The following DPP9 variants were observed in gnomAD, a reference collection of about 807,000 sequenced individuals.
The protein encoded by DPP9 is dipeptidyl peptidase 9, also known as dipeptidyl peptidase IV-related protein-2.
In DPP9, 50 loss-of-function variants were observed where a neutral mutation model predicts 110.7. The ratio of observed to expected loss-of-function variants is 0.45; its 90% CI spans 0.36 to 0.57. The LOEUF (loss-of-function observed/expected upper bound fraction) is 0.57. Ranked by LOEUF, DPP9 falls within the 20% of genes least tolerant of loss-of-function variation. DPP9 has a pLI of 0.00. For synonymous variants in DPP9, 561 were observed against 514.4 expected (o/e 1.09, Z -1.23); for missense variants, 1,022 against 1,217.9 (o/e 0.84, Z 2.39).
intron 10 of DPP9, among the ~76,000 whole-genome samples, chr19:4,699,237 A>G (rs1328189977): frequency 6.6e-6 from 1 of 150,774 alleles, no homozygotes; most frequent in Non-Finnish European, 1.5e-5. Flanking sequence ...TTTTTGCAAG[A>G]GCACACAAGG....
At chr19:4,712,408 G>A (rs1235986692) in intron 4 of DPP9, among the ~76,000 whole-genome samples, 1 of 152,064 alleles carries the variant, frequency 6.6e-6, no homozygotes, top group Non-Finnish European at 1.5e-5. Flanking sequence ...AAATTGTCTG[G>A]GCATGGTGGC....
rs1005920034 is a variant in DPP9 at position 4,682,086 on chromosome 19, G to A, written c.2474+610C>T. Among the ~76,000 whole-genome samples the A allele has an allele frequency of 5.9e-5, 9 of 151,850 alleles. No homozygotes were observed. The highest frequency in any genetic ancestry group is 1.2e-4 in the African/African-American group (5 of 41,304). ...GATGGTCTCAATCTCCTGACCTCACGATCCGCCCGCCTCAGCCTCCCAGAG... is the reference window on the plus strand; with the variant it reads ...GATGGTCTCAATCTCCTGACCTCACAATCCGCCCGCCTCAGCCTCCCAGAG... On this transcript the variant is annotated intron_variant, in intron 20 of 21. Coordinates refer to ENST00000262960, the MANE Select transcript of DPP9 (RefSeq NM_139159.5). This position sits in a 1 kb window ranked among gnomAD's most constrained non-coding sequence, Gnocchi z 7.1.
rs757921029 is a variant in DPP9 at position 4,714,279 on chromosome 19, C to A, written c.115G>T (p.Asp39Tyr). 1 of 1,554,602 alleles carries A rather than the reference C, an allele frequency of 6.4e-7. No individual in the cohort carries two copies. The highest frequency in any genetic ancestry group is 1.2e-5 in the South Asian group (1 of 85,718). ...RMATTGTPTADRGDAAATDDP... is the reference protein window; with the variant it reads ...RMATTGTPTAYRGDAAATDDP... ...TCTGTGGCGGCTGCGTCGCCTCGGTCGGCCGTTGGGGTCCCGGTGGTGGCC... is the reference window on the plus strand; with the variant it reads ...TCTGTGGCGGCTGCGTCGCCTCGGTAGGCCGTTGGGGTCCCGGTGGTGGCC... Residue 39 changes from aspartate (D) to tyrosine (Y), a missense_variant, in exon 4 of 22, where the codon GAC (aspartate) becomes TAC (tyrosine). Transcript: ENST00000262960.
intron 3 of DPP9, chr19:4,719,569 G>T: frequency 2.0e-6 from 1 of 501,592 alleles, no homozygotes; most frequent in Admixed American, 3.2e-5. Flanking sequence ...GGAGCTCCTG[G>T]CATGAAGTGG....
In DPP9 at chr19:4,695,965, A is replaced by T. The variant is rs2091769045; in HGVS notation, c.1176-410T>A. Among the ~76,000 whole-genome samples, 1 of 152,086 alleles carries T rather than the reference A, an allele frequency of 6.6e-6. No homozygotes were observed. The highest frequency in any genetic ancestry group is 1.5e-5 in the Non-Finnish European group (1 of 68,036). On this transcript the variant is annotated intron_variant, in intron 11 of 21. Transcript: ENST00000262960. The surrounding 1 kb of genome is among the most constrained non-coding windows in gnomAD (Gnocchi z 4.7). The stretch of plus-strand genomic sequence containing the variant: ...GTCCAGGCTGAAGTATAGTGGCACA[A>T]TCTCAGCTCACTGCAACCTCCACAT...
rs201789340 is a variant in DPP9, at chr19:4,694,840, T to G, written c.1354-17A>C. On this transcript the variant is annotated splice_polypyrimidine_tract_variant and intron_variant, in intron 12 of 21. Coordinates refer to ENST00000262960, the MANE Select transcript of DPP9 (RefSeq NM_139159.5). The surrounding 1 kb of genome is among the most constrained non-coding windows in gnomAD (Gnocchi z 4.0). Reference sequence around the variant, plus strand: ...GTCATGAACCTGTCCGGAAAGCAGATAGAAGATGCGTCAGAAGGTGTGGGT... The same window carrying G: ...GTCATGAACCTGTCCGGAAAGCAGAGAGAAGATGCGTCAGAAGGTGTGGGT... 22 of 1,612,836 alleles carry G rather than the reference T, an allele frequency of 1.4e-5. No homozygotes were observed. Among genetic ancestry groups the G allele is most frequent in the Admixed American group, 3.3e-5 (2 of 59,946 alleles).
chr19:4,712,221 A>G (rs1394369112), intron 4 of DPP9, among the ~76,000 whole-genome samples: 1 of 152,160 alleles, frequency 6.6e-6, no homozygotes, highest in Non-Finnish European at 1.5e-5. Flanking sequence ...TTTCAGTCCA[A>G]TTTCTCCCAG....
chr19:4,690,407 G>A lies in DPP9; in HGVS notation c.1596+471C>T, dbSNP rs564228579. Among the ~76,000 whole-genome samples, 14 of 152,342 alleles carry A rather than the reference G, an allele frequency of 9.2e-5. No homozygotes were observed. The South Asian group carries it at 2.5e-3, about 27-fold the overall frequency. ...AGAGGCCGGTGGAGGCAGCTGGAGC[G>A]TGGGGTGACCAGGGACCCTAAGACG... On this transcript the variant is annotated intron_variant, in intron 14 of 21. Coordinates refer to ENST00000262960, the MANE Select transcript of DPP9 (RefSeq NM_139159.5).
In DPP9 at chr19:4,710,119, C is replaced by T. The variant is rs575401773; in HGVS notation, c.313+3962G>A. Among the ~76,000 whole-genome samples the T allele has an allele frequency of 1.4e-4, 21 of 152,336 alleles. No homozygotes were observed. The South Asian group carries it at 2.1e-3, about 15-fold the overall frequency. The stretch of plus-strand genomic sequence containing the variant: ...CTCGGACCTCCCTCACCAGCTCTGC[C>T]CCTGCAAACACACCTGATGCCAACC... On this transcript the variant is annotated intron_variant, in intron 4 of 21. Transcript: ENST00000262960. This position sits in a 1 kb window ranked among gnomAD's most constrained non-coding sequence, Gnocchi z 5.6.
chr19:4,679,046 A>G (rs2089356212), intron 21 of DPP9, among the ~76,000 whole-genome samples: 1 of 146,040 alleles, frequency 6.8e-6, no homozygotes, highest in Non-Finnish European at 1.5e-5. Context: ...TCTATAGCAG[A>G]AGCTCCACCC....
chr19:4,685,095 G>T lies in DPP9; in HGVS notation c.2032-286C>A. The stretch of plus-strand genomic sequence containing the variant: ...AACTACTCTGGCATGATGGACATTG[G>T]GGTGGCTCCTTCTCGGGTGGGGCCA... On this transcript the variant is annotated intron_variant, in intron 17 of 21. Transcript: ENST00000262960. The surrounding 1 kb of genome is among the most constrained non-coding windows in gnomAD (Gnocchi z 5.8). 1 of 616,666 alleles carries T rather than the reference G, an allele frequency of 1.6e-6. No individual in the cohort carries two copies. The highest frequency in any genetic ancestry group is 1.5e-5 in the South Asian group (1 of 65,982). 38.2% of individuals were successfully genotyped at this position (616,666 alleles called of 1,614,324 possible). A position where few individuals can be genotyped will look rare whatever the true frequency, so the allele number is the denominator to read the frequency against.
chr19:4,714,288 G>C lies in DPP9; in HGVS notation c.106C>G (p.Pro36Ala). 2 of 1,545,506 alleles carry C rather than the reference G, an allele frequency of 1.3e-6. No individual in the cohort carries two copies. Among genetic ancestry groups the C allele is most frequent in the Non-Finnish European group, 1.7e-6 (2 of 1,148,944 alleles). ...GCTGCGTCGCCTCGGTCGGCCGTTG[G>C]GGTCCCGGTGGTGGCCATCCTCTCA... ...GAERMATTGTPTADRGDAAAT... is the reference protein window; with the variant it reads ...GAERMATTGTATADRGDAAAT... The change falls in exon 4 of 22, where the codon CCA (proline) becomes GCA (alanine). Residue 36 changes from proline (P) to alanine (A), a missense_variant. Physicochemically the swap from Pro to Ala is conservative, Grantham distance 27. Around this residue, in one of 3 missense-constraint regions of DPP9, gnomAD observed 810 missense variants for 920.6 expected, o/e 0.88. Transcript: ENST00000262960.
At chr19:4,680,864 C>T (rs1056456591) in intron 20 of DPP9, among the ~76,000 whole-genome samples, 2 of 151,722 alleles carry the variant, frequency 1.3e-5, no homozygotes, top group African/African-American at 2.4e-5. Context: ...GGCTGAGGCA[C>T]GAGAATTGCT....
intron 4 of DPP9, 42 bp from the exon 5 acceptor site, chr19:4,706,012 C>A (rs764217528): frequency 6.4e-7 from 1 of 1,567,110 alleles, no homozygotes; most frequent in African/African-American, 1.4e-5. Context: ...TACCCTGGCT[C>A]AGGATGGGGA....
chr19:4,681,836 G>A (rs893081784), intron 20 of DPP9, among the ~76,000 whole-genome samples: 3 of 149,650 alleles, frequency 2.0e-5, no homozygotes, highest in Admixed American at 6.7e-5. Context: ...AAAGTGCCCA[G>A]GCAGACTTTT....
At chr19:4,691,096 C>A (rs2091273515) in intron 13 of DPP9, 139 bp from the exon 14 acceptor site, 1 of 661,414 alleles carries the variant, frequency 1.5e-6, no homozygotes, top group Non-Finnish European at 2.6e-6. Context: ...CAGACGCCAG[C>A]ACAGGCCACT....
rs148620452 is a variant in DPP9, at chr19:4,720,108, G to C, written c.-35-167C>G. Among the ~76,000 whole-genome samples, 243 of 152,338 alleles carry C rather than the reference G, an allele frequency of 1.6e-3. 5 individuals are homozygous for C. Among genetic ancestry groups the C allele is most frequent in the African/African-American group, 5.5e-3 (230 of 41,574 alleles). Reference sequence around the variant, plus strand: ...TGAAGAGACGATGCTTCAGGCCCTGGCCTGAAATGCAGGAGGTTCTGGGCA... The same window carrying C: ...TGAAGAGACGATGCTTCAGGCCCTGCCCTGAAATGCAGGAGGTTCTGGGCA... On this transcript the variant is annotated intron_variant, in intron 2 of 21. Transcript: ENST00000262960.
intron 18 of DPP9, 84 bp from the exon 19 acceptor site, chr19:4,683,713 C>T (rs533740603): frequency 2.9e-5 from 46 of 1,611,892 alleles, no homozygotes; most frequent in African/African-American, 2.8e-4. Context: ...CCTTTCAGGG[C>T]GTCTCTCCCT....
In DPP9 at chr19:4,683,000, C is replaced by T; in HGVS notation, c.2332-162G>A. 6.5e-7 allele frequency: 1 copy of T among 1,529,238 alleles called. No individual in the cohort carries two copies. Among genetic ancestry groups the T allele is most frequent in the Non-Finnish European group, 8.7e-7 (1 of 1,143,960 alleles). The allele number at this position is 1,529,238 out of a possible 1,614,324, so 94.7% of individuals were successfully genotyped here. The stretch of plus-strand genomic sequence containing the variant: ...AAGGGGCCCTCAGACCGCGTGGCCC[C>T]CGTGGACGGTGCGTGGCATGGGGGT... On this transcript the variant is annotated intron_variant, in intron 19 of 21. Coordinates refer to ENST00000262960, the MANE Select transcript of DPP9 (RefSeq NM_139159.5). The surrounding 1 kb of genome is among the most constrained non-coding windows in gnomAD (Gnocchi z 7.1).
Sources: gnomAD v4.1 joint callset for allele counts (sites outside exome capture counted in the v4.1 genomes callset) on GRCh38, gnomAD v4.1.1 for gene constraint, gnomAD v4.1.1 regional missense constraint, Gnocchi (gnomAD v3.1) non-coding constraint, MANE v1.5 for transcripts, NCBI Gene and HGNC (gene_info 2026-07-23, HGNC 2026-07-21) for gene names.